Variants in RPGR observed in about 807,000 individuals in gnomAD.
The protein encoded by RPGR is retinitis pigmentosa GTPase regulator, also known as X-linked retinitis pigmentosa GTPase regulator.
Under a neutral mutation model 56.3 loss-of-function variants are expected in RPGR, and 10 were observed. That is an observed-to-expected ratio of 0.18 (90% CI 0.11 to 0.30). The LOEUF (loss-of-function observed/expected upper bound fraction) is 0.30, where lower values mean the gene tolerates loss of function less well. Ranked by LOEUF, RPGR falls within the 10% of genes least tolerant of loss-of-function variation. The pLI is 1.00. For missense variants in RPGR, 538 were observed against 590.9 expected (o/e 0.91, Z 0.93); for synonymous variants, 197 against 212.9 (o/e 0.93, Z 0.65).
At chrX:38,302,980 T>C (rs1307463993) in intron 8 of RPGR, among the ~76,000 whole-genome samples, 2 of 109,945 alleles carry the variant, frequency 1.8e-5, no homozygotes, top group African/African-American at 6.6e-5. Flanking sequence ...TGGCTAATTT[T>C]TGAATATAGT....
Position 38,274,173 on chromosome X carries a change from T to C in RPGR, c.2150-696A>G, listed in dbSNP as rs373470008. On this transcript the variant is annotated intron_variant, in intron 17 of 18. Transcript: ENST00000642395. ...CTGCCGTGTGATGGTGTGGAAACAATGTGGGAGTCATACTACAGAAACACA... is the reference window on the plus strand; with the variant it reads ...CTGCCGTGTGATGGTGTGGAAACAACGTGGGAGTCATACTACAGAAACACA... Among the ~76,000 whole-genome samples, 21 of 112,136 alleles carry C rather than the reference T, an allele frequency of 1.9e-4. 1 individual carries two copies. In the South Asian group the frequency reaches 7.4e-3, roughly 39 times the overall value.
At position 38,304,784 on chromosome X, in the gene RPGR, G is replaced by C. The variant is rs138018739; in HGVS notation, c.785C>G (p.Ala262Gly). The C allele has an allele frequency of 6.4e-4, 777 of 1,207,289 alleles. 4 individuals are homozygous for C. In the East Asian group the frequency reaches 0.02, roughly 31 times the overall value. ...TTGTCCCAGCCCAAAGGTATACACA[G>C]CATTCTCTGAAAGGAAAGGGGCAAA... The change falls in exon 8 of 19, where the codon GCT (alanine) becomes GGT (glycine). Residue 262 changes from alanine to glycine, a missense_variant. Transcript: ENST00000642395.
At chrX:38,311,431 T>C (rs962836671) in intron 6 of RPGR, among the ~76,000 whole-genome samples, 2 of 112,097 alleles carry the variant, frequency 1.8e-5, no homozygotes, top group Admixed American at 9.5e-5. Flanking sequence ...AACTGAGTTC[T>C]ATAAAGTAGA....
chrX:38,292,418 A>C (rs2067299461), intron 11 of RPGR, among the ~76,000 whole-genome samples: 1 of 112,311 alleles, frequency 8.9e-6, no homozygotes, highest in African/African-American at 3.2e-5. Flanking sequence ...ACTTGACTTT[A>C]CATTTTTCTC....
chrX:38,297,518 T>G lies in RPGR; in HGVS notation c.1246-66A>C, dbSNP rs773519367. 25 of 975,242 alleles carry G rather than the reference T, an allele frequency of 2.6e-5. No homozygotes were observed. The South Asian group carries it at 5.2e-4, about 20-fold the overall frequency. The allele number at this position is 975,242 out of a possible 1,213,427, so 80.4% of individuals were successfully genotyped here. On this transcript the variant is annotated intron_variant, in intron 10 of 18. Coordinates refer to ENST00000642395, the MANE Select transcript of RPGR (RefSeq NM_000328.3). Reference sequence around the variant, plus strand: ...ATATATTTAATATTGATATAAACTTTCCTAAAAGTTGCTAAAATATTTAAG... The same window carrying G: ...ATATATTTAATATTGATATAAACTTGCCTAAAAGTTGCTAAAATATTTAAG...
chrX:38,322,782 A>T (rs1215429222), intron 3 of RPGR, 71 bp downstream of exon 3: 1 of 780,204 alleles, frequency 1.3e-6, no homozygotes, highest in Non-Finnish European at 2.0e-6. Context: ...ATTATTTATG[A>T]CATTAAAGAA....
intron 6 of RPGR, among the ~76,000 whole-genome samples, chrX:38,311,649 A>G (rs1449563387): frequency 1.8e-5 from 2 of 111,591 alleles, no homozygotes; most frequent in Non-Finnish European, 3.8e-5. Context: ...TTTGTTATAT[A>G]TACCAGAGCA....
chrX:38,276,613 C>T lies in RPGR; in HGVS notation c.2065G>A (p.Asp689Asn). 8.3e-7 allele frequency: 1 copy of T among 1,211,157 alleles called. No individual in the cohort carries two copies. The highest frequency in any genetic ancestry group is 1.1e-6 in the Non-Finnish European group (1 of 895,146). ...TTTTCAATAGTTTCAGCTGAGCTAT[C>T]ATCATTGGTTCTTTCTGCTCCTTCT... The change falls in exon 16 of 19, where the codon GAT becomes AAT. Residue 689 changes from aspartate to asparagine, a missense_variant. By Grantham distance (23) the Asp-to-Asn change is conservative. Around this residue, in one of 2 missense-constraint regions of RPGR, gnomAD observed 357 missense variants for 325.8 expected, o/e 1.10. Transcript: ENST00000642395.
chrX:38,319,901 C>G (rs1051562924), intron 4 of RPGR, among the ~76,000 whole-genome samples: 1 of 111,562 alleles, frequency 9.0e-6, no homozygotes, highest in Non-Finnish European at 1.9e-5. Context: ...GCAAAATCAG[C>G]CTGAGTTAGT....
intron 7 of RPGR, among the ~76,000 whole-genome samples, chrX:38,306,063 G>A (rs920620247): frequency 1.8e-5 from 2 of 111,949 alleles, no homozygotes; most frequent in Non-Finnish European, 3.8e-5. Flanking sequence ...TGATGAAAGG[G>A]TCCTTTTAGA....
intron 15 of RPGR, chrX:38,284,699 CAAT>C (rs1320140174): frequency 4.2e-6 from 3 of 716,949 alleles, no homozygotes; most frequent in African/African-American, 2.3e-5. Context: ...ACATGAATAA[CAAT>C]AATGATAGAG....
chrX:38,308,487 T>C (rs2067647246), intron 7 of RPGR, among the ~76,000 whole-genome samples: 1 of 111,077 alleles, frequency 9.0e-6, no homozygotes, highest in Admixed American at 9.6e-5. Context: ...TATAGAAAAA[T>C]GTTTTATAAT....
At chrX:38,319,119 G>C in intron 4 of RPGR, 132 bp from the exon 5 acceptor site, 1 of 654,263 alleles carries the variant, frequency 1.5e-6, no homozygotes, top group Non-Finnish European at 2.3e-6. Context: ...TTATTTGGGA[G>C]ACAACTTCAT....
At chrX:38,321,806 A>C (rs2067946143) in intron 3 of RPGR, among the ~76,000 whole-genome samples, 1 of 111,602 alleles carries the variant, frequency 9.0e-6, no homozygotes, top group African/African-American at 3.3e-5. Flanking sequence ...TCAATGAAAA[A>C]CCGAAGACCA....
At position 38,299,087 on chromosome X, in the gene RPGR, C is replaced by T. The variant is rs966670569; in HGVS notation, c.1114G>A (p.Ala372Thr). 1 of 1,211,413 alleles carries T rather than the reference C, an allele frequency of 8.3e-7. No homozygotes were observed. The highest frequency in any genetic ancestry group is 1.7e-5 in the African/African-American group (1 of 57,795). Residue 372 changes from alanine to threonine, a missense_variant, in exon 10 of 19, where the codon GCA becomes ACA. Coordinates refer to ENST00000642395, the MANE Select transcript of RPGR (RefSeq NM_000328.3). ...ATTTCATCGAATTCAATTTCTTTTGCCACACCACGATGAGGAGCAGCAAAA... is the reference window on the plus strand; with the variant it reads ...ATTTCATCGAATTCAATTTCTTTTGTCACACCACGATGAGGAGCAGCAAAA...
At chrX:38,293,010 G>T (rs1203153049) in intron 11 of RPGR, among the ~76,000 whole-genome samples, 1 of 111,607 alleles carries the variant, frequency 9.0e-6, no homozygotes, top group Non-Finnish European at 1.9e-5. Flanking sequence ...TTGACCCTAC[G>T]ACAACAAGGA....
chrX:38,323,335 T>C (rs1189331283), intron 2 of RPGR, 64 bp downstream of exon 2: 6 of 994,281 alleles, frequency 6.0e-6, no homozygotes, highest in Admixed American at 2.5e-5. Flanking sequence ...CAGCAGCATA[T>C]CTATAACAAA....
intron 6 of RPGR, 46 bp from the exon 7 acceptor site, chrX:38,310,819 C>G: frequency 8.6e-7 from 1 of 1,162,887 alleles, no homozygotes; most frequent in Non-Finnish European, 1.2e-6. Flanking sequence ...TACATATGAA[C>G]AAAAAGCTGG....
rs368494625 is a variant in RPGR at position 38,298,997 on chromosome X, G to A, written c.1204C>T (p.Leu402=). The change falls in exon 10 of 19, where the codon CTG becomes TTG. Residue 402 remains leucine (L), a synonymous_variant. Transcript: ENST00000642395. ...ATACGTGCTGATAGAGTCCTCTGCAGTACATTTCCTGAGGTTAAACTGCTA... is the reference window on the plus strand; with the variant it reads ...ATACGTGCTGATAGAGTCCTCTGCAATACATTTCCTGAGGTTAAACTGCTA... 4 of 1,210,041 alleles carry A rather than the reference G, an allele frequency of 3.3e-6. No homozygotes were observed. In the African/African-American group the frequency reaches 5.2e-5, roughly 16 times the overall value.
Sources: allele counts gnomAD v4.1 joint callset (sites outside exome capture counted in the v4.1 genomes callset), GRCh38; gene constraint gnomAD v4.1.1; regional missense constraint gnomAD v4.1.1; transcripts MANE v1.5; gene names NCBI Gene and HGNC (gene_info 2026-07-23, HGNC 2026-07-21).